The following FGF12 variants were observed in gnomAD, a reference collection of about 807,000 sequenced individuals.
FGF12 encodes the protein fibroblast growth factor 12, also known as fibroblast growth factor 12B.
In FGF12, 14 loss-of-function variants were observed where a neutral mutation model predicts 23.6. The observed-to-expected ratio is 0.59, with a 90% CI of 0.39 to 0.93. FGF12 has a LOEUF of 0.93. FGF12 is among the 40% of genes least tolerant of loss of function. The pLI, the probability that FGF12 is intolerant of heterozygous loss-of-function variation, is 0.00. For missense variants in FGF12, 175 were observed against 217.8 expected, an observed-to-expected ratio of 0.80 and a Z score of 1.24; for synonymous variants, 62 against 77.3, an observed-to-expected ratio of 0.80 and a Z score of 1.04.
chr3:192,623,336 G>T (rs1482031827), intron 2 of FGF12, among the ~76,000 whole-genome samples: 1 of 152,142 alleles, frequency 6.6e-6, no homozygotes, highest in Non-Finnish European at 1.5e-5. Flanking sequence ...CTCTGGATGG[G>T]ATTTCTGATC....
chr3:192,678,386 A>G (rs776045855), intron 2 of FGF12, among the ~76,000 whole-genome samples: 1 of 152,198 alleles, frequency 6.6e-6, no homozygotes, highest in Non-Finnish European at 1.5e-5. Flanking sequence ...GAGGGCCACC[A>G]TTACTGTCAC....
At chr3:192,302,348 G>A (rs1417963230) in intron 4 of FGF12, among the ~76,000 whole-genome samples, 1 of 152,170 alleles carries the variant, frequency 6.6e-6, no homozygotes, top group Non-Finnish European at 1.5e-5. Context: ...TAGGATTGGA[G>A]GCAGTTAATA....
At chr3:192,416,304 G>A (rs1011144854) in intron 2 of FGF12, among the ~76,000 whole-genome samples, 1 of 152,064 alleles carries the variant, frequency 6.6e-6, no homozygotes, top group Admixed American at 6.6e-5. Context: ...TCCTAATTTT[G>A]TAGAATTCTC....
intron 2 of FGF12, among the ~76,000 whole-genome samples, chr3:192,696,072 C>A (rs190260823): frequency 2.0e-5 from 3 of 152,194 alleles, no homozygotes; most frequent in Middle Eastern, 3.4e-3. Context: ...GCACTCCAAC[C>A]TGGGTGACGG....
chr3:192,537,950 C>CATTTTTTTTTTTTTTTTTT (rs1725267584), intron 2 of FGF12, among the ~76,000 whole-genome samples: 1 of 121,374 alleles, frequency 8.2e-6, no homozygotes, highest in Admixed American at 8.6e-5. Flanking sequence ...AGCCTTTAAC[C>CATTTTTTTTTTTTTTTTTT]TTTTTTTTTT....
chr3:192,305,080 G>A (rs1654331452), intron 4 of FGF12, among the ~76,000 whole-genome samples: 1 of 151,950 alleles, frequency 6.6e-6, no homozygotes, highest in Non-Finnish European at 1.5e-5. Context: ...AGGAAGGAGG[G>A]AAATAAGGAG....
At chr3:192,268,554 A>G (rs2108625363) in intron 4 of FGF12, 2 of 215,612 alleles carry the variant, frequency 9.3e-6, no homozygotes, top group Admixed American at 9.1e-5. Flanking sequence ...CCCCTTGATG[A>G]TAAGTGAACT....
At chr3:192,221,420 G>T (rs1718470576) in intron 4 of FGF12, among the ~76,000 whole-genome samples, 1 of 152,086 alleles carries the variant, frequency 6.6e-6, no homozygotes, top group Non-Finnish European at 1.5e-5. Context: ...ATTTAATAAG[G>T]CCTTACTCAA....
At chr3:192,524,935 C>T (rs921327686) in intron 2 of FGF12, among the ~76,000 whole-genome samples, 1 of 152,088 alleles carries the variant, frequency 6.6e-6, no homozygotes, top group African/African-American at 2.4e-5. Context: ...ATAAAATGGA[C>T]ACATTTTGTC....
chr3:192,191,835 C>CA (rs66475128), intron 4 of FGF12, among the ~76,000 whole-genome samples: 1,918 of 101,312 alleles, frequency 0.019, 23 homozygotes, highest in African/African-American at 0.042. Context: ...GACTCCGTCT[C>CA]AAAAAAAAAA....
intron 5 of FGF12, among the ~76,000 whole-genome samples, chr3:192,155,173 C>T (rs1234074863): frequency 2.0e-5 from 3 of 151,892 alleles, no homozygotes; most frequent in South Asian, 2.1e-4. Context: ...TGCTTCGGCT[C>T]GCGCACGGTG....
intron 2 of FGF12, among the ~76,000 whole-genome samples, chr3:192,438,856 A>C (rs908451081): frequency 6.6e-6 from 1 of 152,212 alleles, no homozygotes; most frequent in East Asian, 1.9e-4. Flanking sequence ...CCCGGTTTCA[A>C]AAGAACTGAA....
At chr3:192,353,104 T>C (rs560587665) in intron 3 of FGF12, among the ~76,000 whole-genome samples, 1 of 152,184 alleles carries the variant, frequency 6.6e-6, no homozygotes, top group Non-Finnish European at 1.5e-5. Context: ...TCTGAATTTG[T>C]ATAAATCAGA....
At chr3:192,688,268 T>A (rs1717827124) in intron 2 of FGF12, among the ~76,000 whole-genome samples, 1 of 151,806 alleles carries the variant, frequency 6.6e-6, no homozygotes, top group Non-Finnish European at 1.5e-5. Flanking sequence ...CCCCTTGACC[T>A]GGAGCTACTG....
chr3:192,665,172 T>C (rs1416436945), intron 2 of FGF12, among the ~76,000 whole-genome samples: 1 of 152,098 alleles, frequency 6.6e-6, no homozygotes, highest in African/African-American at 2.4e-5. Flanking sequence ...ACATTAGTAA[T>C]AGGATGGGGC....
rs142545971 is a variant in FGF12, at chr3:192,676,687, G to A, written c.13+50494C>T. Among the ~76,000 whole-genome samples the A allele has an allele frequency of 2.4e-3, 370 of 152,220 alleles. 3 individuals carry two copies. Among genetic ancestry groups the A allele is most frequent in the African/African-American group, 8.5e-3 (352 of 41,550 alleles). On this transcript the variant is annotated intron_variant, in intron 2 of 5. Transcript: ENST00000445105. ...GGTCATTAGGGTGGGCTTTAATCCA[G>A]TATGATTGGCATCCTCAGAAAATGG...
intron 2 of FGF12, among the ~76,000 whole-genome samples, chr3:192,620,691 C>T (rs763613595): frequency 2.2e-4 from 33 of 152,148 alleles, no homozygotes; most frequent in Non-Finnish European, 3.4e-4. Context: ...TATTTGGTTT[C>T]AGAATTGTCC....
chr3:192,486,357 C>G (rs2108822751), intron 2 of FGF12, among the ~76,000 whole-genome samples: 1 of 151,896 alleles, frequency 6.6e-6, no homozygotes, highest in South Asian at 2.1e-4. Context: ...CTGTGGCAAA[C>G]AGAGTAACTG....
chr3:192,344,577 AGCTGACT>A (rs1448192143), intron 3 of FGF12, among the ~76,000 whole-genome samples: 6 of 152,182 alleles, frequency 3.9e-5, no homozygotes, highest in Non-Finnish European at 5.9e-5. Flanking sequence ...CGACTTACAG[AGCTGACT>A]AGTGGTTTGG....
Sources: gnomAD v4.1 joint callset for allele counts (sites outside exome capture counted in the v4.1 genomes callset) on GRCh38, gnomAD v4.1.1 for gene constraint, MANE v1.5 for transcripts, NCBI Gene and HGNC (gene_info 2026-07-23, HGNC 2026-07-21) for gene names.